OR2V2: variants seen among roughly 807,000 people sequenced by gnomAD.
OR2V2 encodes the protein olfactory receptor 2V2.
For synonymous variants in OR2V2, 161 were observed against 151.3 expected, an observed-to-expected ratio of 1.06 and a Z score of -0.47; for missense variants, 392 against 392.2, an observed-to-expected ratio of 1.00 and a Z score of 0.00.
Position 181,155,044 on chromosome 5 carries a change from G to A in OR2V2, c.102G>A (p.Ala34=), listed in dbSNP as rs201192992. 17 of 1,614,086 alleles carry A rather than the reference G, an allele frequency of 1.1e-5. No homozygotes were observed. Among genetic ancestry groups the A allele is most frequent in the Middle Eastern group, 1.6e-4 (1 of 6,062 alleles). ...TTGTCCTCTTCTCCGTGGTTATGGC[G>A]GTCTTCACAGTGGCCCTCTGTGGGA... The part of the protein sequence containing the change: ...ADLVLFSVVM[A]VFTVALCGNV... Residue 34 remains alanine, a synonymous_variant, in exon 2 of 2, where the codon GCG becomes GCA. Coordinates refer to ENST00000641492, the MANE Select transcript of OR2V2 (RefSeq NM_206880.2).
At position 181,155,623 on chromosome 5, in the gene OR2V2, G is replaced by A. The variant is rs754959139; in HGVS notation, c.681G>A (p.Leu227=). ...ASYAHILGTV[L]QMHSAQAWKK... ...ATGCTCACATTCTAGGGACTGTGCT[G>A]CAAATGCACTCTGCTCAGGCCTGGA... Residue 227 remains leucine, a synonymous_variant, in exon 2 of 2, where the codon CTG becomes CTA. Coordinates refer to ENST00000641492, the MANE Select transcript of OR2V2 (RefSeq NM_206880.2). 13 of 1,614,064 alleles carry A rather than the reference G, an allele frequency of 8.1e-6. No individual in the cohort carries two copies. The highest frequency in any genetic ancestry group is 6.7e-5 in the Admixed American group (4 of 60,002).
intron 1 of OR2V2, among the ~76,000 whole-genome samples, chr5:181,149,521 C>T (rs72821719): frequency 2.2e-4 from 33 of 152,312 alleles, no homozygotes; most frequent in Non-Finnish European, 4.0e-4. Flanking sequence ...AAGAAGCCAT[C>T]CCGGATAGGG....
chr5:181,156,061 T>TCTTTCTTTCTTTCTTTCTTTC lies in OR2V2; in HGVS notation c.*183_*184insCTTTCTTTCCTTTCTTTCTTT. On this transcript the variant is annotated 3_prime_UTR_variant, in exon 2 of 2. Coordinates refer to ENST00000641492, the MANE Select transcript of OR2V2 (RefSeq NM_206880.2). ...TCAGTTCTTTCTTTCTTTCTTTCTT[T>TCTTTCTTTCTTTCTTTCTTTC]CTTTCTTTCTTTTGTTCTTTCTTTC... The TCTTTCTTTCTTTCTTTCTTTC allele has an allele frequency of 1.8e-6, 1 of 554,046 alleles. No homozygotes were observed. Among genetic ancestry groups the TCTTTCTTTCTTTCTTTCTTTC allele is most frequent in the Non-Finnish European group, 3.1e-6 (1 of 326,208 alleles). The allele number at this position is 554,046 out of a possible 1,614,324, so 34.3% of individuals were successfully genotyped here.
At chr5:181,152,252 C>G (rs755118627) in intron 1 of OR2V2, among the ~76,000 whole-genome samples, 1 of 152,186 alleles carries the variant, frequency 6.6e-6, no homozygotes, top group African/African-American at 2.4e-5. Flanking sequence ...AACGCAGAAC[C>G]AAGATTGACA....
At position 181,155,315 on chromosome 5, in the gene OR2V2, G is replaced by A; in HGVS notation, c.373G>A (p.Val125Met). Residue 125 changes from valine (V) to methionine (M), a missense_variant, in exon 2 of 2, where the codon GTG becomes ATG. Physicochemically the swap from Val to Met is conservative, Grantham distance 21 (BLOSUM62 1). Coordinates refer to ENST00000641492, the MANE Select transcript of OR2V2 (RefSeq NM_206880.2). ...LLGLMAYDRY[V>M]AISHPLHYPI... ...GGGACTCATGGCTTATGACCGCTAT[G>A]TGGCCATTAGCCACCCACTTCACTA... 2 of 1,614,142 alleles carry A rather than the reference G, an allele frequency of 1.2e-6. No homozygotes were observed. Among genetic ancestry groups the A allele is most frequent in the Non-Finnish European group, 1.7e-6 (2 of 1,180,030 alleles).
In OR2V2 at chr5:181,155,701, T is replaced by C. The variant is rs1763255421; in HGVS notation, c.759T>C (p.Tyr253=). 1.2e-6 allele frequency: 2 copies of C among 1,614,044 alleles called. No homozygotes were observed. The highest frequency in any genetic ancestry group is 1.7e-6 in the Non-Finnish European group (2 of 1,180,032). The change falls in exon 2 of 2, where the codon TAT becomes TAC. Residue 253 remains tyrosine, a synonymous_variant. Transcript: ENST00000641492. ...ACCTGACAGCTGTCACCCTCTTCTA[T>C]GGGGCAGCCATGTTCATCTACCTGA... ...SSHLTAVTLF[Y]GAAMFIYLRP...
chr5:181,156,039 G>GTTTTCTTTCTTTCT lies in OR2V2; in HGVS notation c.*151_*152insTTCTTTCTTTCTTT. ...GAAGGTCTTTTTAAACACTACATCA[G>GTTTTCTTTCTTTCT]TTCTTTCTTTCTTTCTTTCTTTCTT... On this transcript the variant is annotated 3_prime_UTR_variant, in exon 2 of 2. Transcript: ENST00000641492. 2.0e-6 allele frequency: 1 copy of GTTTTCTTTCTTTCT among 493,946 alleles called. No homozygotes were observed. 30.6% of individuals were successfully genotyped at this position (493,946 alleles called of 1,614,324 possible). A position where few individuals can be genotyped will look rare whatever the true frequency, so the allele number is the denominator to read the frequency against.
intron 1 of OR2V2, among the ~76,000 whole-genome samples, chr5:181,148,437 A>G (rs1351394535): frequency 3.3e-5 from 5 of 152,172 alleles, no homozygotes; most frequent in Non-Finnish European, 5.9e-5. Flanking sequence ...TTCTTCTTCC[A>G]TGTTGTGGTT....
At chr5:181,154,078 C>T (rs2546427) in intron 1 of OR2V2, among the ~76,000 whole-genome samples, 90,536 of 152,032 alleles carry the variant, frequency 0.6, 27,759 homozygotes, top group African/African-American at 0.76. Context: ...TCCTTTCTCA[C>T]GTGGGGCACA....
intron 1 of OR2V2, among the ~76,000 whole-genome samples, chr5:181,151,764 A>G (rs1763193324): frequency 6.6e-6 from 1 of 152,070 alleles, no homozygotes; most frequent in Non-Finnish European, 1.5e-5. Flanking sequence ...CTTTGGCATT[A>G]CCGGGAGGCT....
At chr5:181,154,142 G>A (rs1763225899) in intron 1 of OR2V2, among the ~76,000 whole-genome samples, 1 of 152,132 alleles carries the variant, frequency 6.6e-6, no homozygotes, top group Admixed American at 6.5e-5. Flanking sequence ...GTAAGCATGA[G>A]AAAACTCTCA....
At chr5:181,154,878 G>A in intron 1 of OR2V2, 41 bp from the exon 2 acceptor site, 1 of 1,085,022 alleles carries the variant, frequency 9.2e-7, no homozygotes, top group Admixed American at 1.7e-5. Context: ...GGTCTATAAA[G>A]AGATGTCAGT....
chr5:181,154,020 C>T (rs372824197), intron 1 of OR2V2, among the ~76,000 whole-genome samples: 7 of 152,216 alleles, frequency 4.6e-5, no homozygotes, highest in African/African-American at 1.4e-4. Context: ...CCTGTGACTT[C>T]CTGTCACTCG....
Position 181,156,074 on chromosome 5 carries a change from T to G in OR2V2, c.*184T>G. 1 of 134,008 alleles carries G rather than the reference T, an allele frequency of 7.5e-6. No individual in the cohort carries two copies. The highest frequency in any genetic ancestry group is 1.0e-4 in the South Asian group (1 of 9,612). 8.3% of individuals were successfully genotyped at this position (134,008 alleles called of 1,614,324 possible). The stretch of plus-strand genomic sequence containing the variant: ...TCTTTCTTTCTTTCTTTCTTTCTTT[T>G]GTTCTTTCTTTCGTTCTTTCTTTCT... On this transcript the variant is annotated 3_prime_UTR_variant, in exon 2 of 2. Coordinates refer to ENST00000641492, the MANE Select transcript of OR2V2 (RefSeq NM_206880.2).
At chr5:181,151,586 T>G (rs1286264592) in intron 1 of OR2V2, among the ~76,000 whole-genome samples, 1 of 152,130 alleles carries the variant, frequency 6.6e-6, no homozygotes, top group East Asian at 1.9e-4. Context: ...GACATCAGCA[T>G]TAATAAGATG....
chr5:181,149,814 G>A (rs559913953), intron 1 of OR2V2, among the ~76,000 whole-genome samples: 7 of 152,172 alleles, frequency 4.6e-5, no homozygotes, highest in Non-Finnish European at 8.8e-5. Context: ...CACTTGTTAC[G>A]TAAATGTGCT....
intron 1 of OR2V2, among the ~76,000 whole-genome samples, chr5:181,153,118 G>A (rs957922605): frequency 6.6e-6 from 1 of 152,190 alleles, no homozygotes; most frequent in African/African-American, 2.4e-5. Flanking sequence ...AACATGAAAA[G>A]GCCTAAGGAA....
In OR2V2 at chr5:181,155,914, T is replaced by A; in HGVS notation, c.*24T>A. The stretch of plus-strand genomic sequence containing the variant: ...GAACCCAGGGCATCCAGTGCCTGGC[T>A]CTGCCATCTCTTAGCTCCAGGGATG... On this transcript the variant is annotated 3_prime_UTR_variant, in exon 2 of 2. Coordinates refer to ENST00000641492, the MANE Select transcript of OR2V2 (RefSeq NM_206880.2). The A allele has an allele frequency of 6.3e-7, 1 of 1,585,534 alleles. No homozygotes were observed. The highest frequency in any genetic ancestry group is 2.3e-5 in the East Asian group (1 of 44,402).
In OR2V2 at chr5:181,153,504, T is replaced by C. The variant is rs758573422; in HGVS notation, c.-24-1415T>C. Among the ~76,000 whole-genome samples, 30 of 152,044 alleles carry C rather than the reference T, an allele frequency of 2.0e-4. No individual in the cohort carries two copies. In the Middle Eastern group the frequency reaches 0.014, roughly 69 times the overall value. On this transcript the variant is annotated intron_variant, in intron 1 of 1. Transcript: ENST00000641492. ...GAGCTCGAGACCAGCTCGGGCAAGA[T>C]GGCAACACCCCATCTCTAATAAAAA... is the stretch of plus-strand genomic sequence containing the variant.
Sources: gnomAD v4.1 joint callset for allele counts (sites outside exome capture counted in the v4.1 genomes callset) on GRCh38, gnomAD v4.1.1 for gene constraint, MANE v1.5 for transcripts, NCBI Gene and HGNC (gene_info 2026-07-23, HGNC 2026-07-21) for gene names.